MIGA1: variants seen among roughly 807,000 people sequenced by gnomAD.
The protein encoded by MIGA1 is mitoguardin 1.
Under a neutral mutation model 82.0 loss-of-function variants are expected in MIGA1, and 58 were observed. The ratio of observed to expected loss-of-function variants is 0.71; its 90% CI spans 0.57 to 0.88. MIGA1 has a LOEUF of 0.88. Ranked by LOEUF, MIGA1 falls within the 40% of genes least tolerant of loss-of-function variation. The pLI is 0.00. For synonymous variants in MIGA1, 249 were observed against 253.6 expected, an observed-to-expected ratio of 0.98 and a Z score of 0.17; for missense variants, 751 against 749.1, an observed-to-expected ratio of 1.00 and a Z score of -0.03.
chr1:77,871,247 A>G (rs1685990189), intron 14 of MIGA1, among the ~76,000 whole-genome samples: 1 of 152,052 alleles, frequency 6.6e-6, no homozygotes, highest in East Asian at 1.9e-4. Flanking sequence ...CTTGCATGTA[A>G]TCCTAGCACT....
intron 2 of MIGA1, among the ~76,000 whole-genome samples, chr1:77,786,392 A>G (rs1242128510): frequency 6.6e-6 from 1 of 152,182 alleles, no homozygotes; most frequent in African/African-American, 2.4e-5. Flanking sequence ...TACTTATGCA[A>G]ATTTCTGCAG....
intron 15 of MIGA1, among the ~76,000 whole-genome samples, chr1:77,873,611 C>A (rs1428062424): frequency 6.6e-6 from 1 of 152,138 alleles, no homozygotes; most frequent in Non-Finnish European, 1.5e-5. Context: ...CCAATGTCAG[C>A]AGTTTTAGTT....
At chr1:77,862,363 C>G (rs1030721657) in intron 12 of MIGA1, 2 of 151,616 alleles carry the variant, frequency 1.3e-5, no homozygotes, top group Non-Finnish European at 2.9e-5. Context: ...ATGAGAATTG[C>G]TTGAACCTGG....
rs539264239 is a variant in MIGA1, at chr1:77,861,459, A to G, written c.1374+137A>G. The G allele has an allele frequency of 4.8e-4, 295 of 620,334 alleles. 2 individuals carry two copies. The highest frequency in any genetic ancestry group is 4.5e-3 in the South Asian group (211 of 47,306). 38.4% of individuals were successfully genotyped at this position (620,334 alleles called of 1,614,324 possible). On this transcript the variant is annotated intron_variant, in intron 12 of 15. Transcript: ENST00000370791. Reference sequence around the variant, plus strand: ...TGTGGGACATCTTTTTTTCTGACGAAGTCATAAACCACACTCCTTGTACGT... The same window carrying G: ...TGTGGGACATCTTTTTTTCTGACGAGGTCATAAACCACACTCCTTGTACGT...
intron 2 of MIGA1, among the ~76,000 whole-genome samples, chr1:77,784,843 G>A (rs116635077): frequency 0.021 from 3,215 of 152,218 alleles, 122 homozygotes; most frequent in African/African-American, 0.073. Flanking sequence ...CATCTCATAT[G>A]GCGGCAGACA....
At chr1:77,819,721 CT>C (rs1683727331) in intron 7 of MIGA1, among the ~76,000 whole-genome samples, 1 of 151,812 alleles carries the variant, frequency 6.6e-6, no homozygotes, top group African/African-American at 2.4e-5. Flanking sequence ...GTAGCTGGGA[CT>C]ACAGGCACTT....
chr1:77,850,034 CAAA>C (rs377438344), intron 8 of MIGA1, among the ~76,000 whole-genome samples: 7 of 97,362 alleles, frequency 7.2e-5, no homozygotes, highest in Admixed American at 2.3e-4. Context: ...GACTCTCTCT[CAAA>C]AAAAAAAAAA....
At chr1:77,833,899 C>T (rs1684332763) in intron 7 of MIGA1, among the ~76,000 whole-genome samples, 1 of 152,152 alleles carries the variant, frequency 6.6e-6, no homozygotes, top group South Asian at 2.1e-4. Context: ...GTTCCCATTC[C>T]CTTTCCTTGT....
intron 12 of MIGA1, 188 bp downstream of exon 12, chr1:77,861,510 C>T: frequency 4.0e-6 from 2 of 503,098 alleles, no homozygotes; most frequent in Non-Finnish European, 7.0e-6. Context: ...AAATTGTTTT[C>T]TAAGAAGCCT....
Position 77,801,424 on chromosome 1 carries a change from C to A in MIGA1, c.289C>A (p.Arg97Ser). The change falls in exon 3 of 16, where the codon CGT (arginine) becomes AGT (serine). Residue 97 changes from arginine to serine, a missense_variant. Arg to Ser is a moderately radical substitution (Grantham distance 110, BLOSUM62 -1). Around this residue, in one of 3 missense-constraint regions of MIGA1, gnomAD observed 482 missense variants for 439.4 expected, o/e 1.10. Coordinates refer to ENST00000370791, the MANE Select transcript of MIGA1 (RefSeq NM_198549.4). ...TCTGGCTCATCACTTTAAAAGAAAA[C>A]GTGGAAAGAAGAAAGGAAAAATATT... 2 of 1,605,404 alleles carry A rather than the reference C, an allele frequency of 1.2e-6. No individual in the cohort carries two copies. Among genetic ancestry groups the A allele is most frequent in the Non-Finnish European group, 1.7e-6 (2 of 1,177,648 alleles).
intron 7 of MIGA1, among the ~76,000 whole-genome samples, chr1:77,836,684 T>C (rs1684435721): frequency 6.6e-6 from 1 of 152,206 alleles, no homozygotes; most frequent in Non-Finnish European, 1.5e-5. Context: ...TAGCAAATCT[T>C]AGGATCAGGA....
intron 9 of MIGA1, 108 bp downstream of exon 9, chr1:77,859,164 A>G (rs959918785): frequency 5.0e-6 from 5 of 1,003,320 alleles, no homozygotes; most frequent in African/African-American, 3.2e-5. Context: ...AGGTCCAAGT[A>G]AAGAAAAAAT....
At chr1:77,810,921 C>T (rs1683301603) in intron 5 of MIGA1, 3 of 1,611,918 alleles carry the variant, frequency 1.9e-6, no homozygotes, top group East Asian at 2.2e-5. Flanking sequence ...TCAATAATTG[C>T]AATTTCTTTC....
At chr1:77,869,582 C>A (rs1312325011) in intron 14 of MIGA1, among the ~76,000 whole-genome samples, 1 of 141,952 alleles carries the variant, frequency 7.0e-6, no homozygotes. Flanking sequence ...CTGACCCCCC[C>A]ACCACCCTCC....
intron 7 of MIGA1, among the ~76,000 whole-genome samples, chr1:77,841,481 G>A (rs909181280): frequency 1.3e-4 from 19 of 149,892 alleles, no homozygotes; most frequent in African/African-American, 4.2e-4. Flanking sequence ...TCTATACTAG[G>A]AATTATATTC....
chr1:77,872,874 C>G, intron 14 of MIGA1, 130 bp from the exon 15 acceptor site: 1 of 1,124,434 alleles, frequency 8.9e-7, no homozygotes, highest in Non-Finnish European at 1.3e-6. Flanking sequence ...TTGCTAGACT[C>G]TGGTTCTAAA....
At chr1:77,813,922 T>C (rs1683472526) in intron 6 of MIGA1, 55 bp downstream of exon 6, 2 of 1,592,200 alleles carry the variant, frequency 1.3e-6, no homozygotes, top group Non-Finnish European at 1.7e-6. Context: ...CAAACTTTTT[T>C]TTTGTTTTTT....
At chr1:77,872,971 G>A in intron 14 of MIGA1, 33 bp from the exon 15 acceptor site, 1 of 1,612,244 alleles carries the variant, frequency 6.2e-7, no homozygotes, top group South Asian at 1.1e-5. Context: ...CAAGAAGGTA[G>A]AAGTAACTTG....
intron 8 of MIGA1, among the ~76,000 whole-genome samples, chr1:77,846,234 G>A (rs78540751): frequency 0.027 from 4,126 of 152,070 alleles, 149 homozygotes; most frequent in African/African-American, 0.095. Context: ...CATACCATGC[G>A]ATATGTTGTA....
Sources: gnomAD v4.1 joint callset for allele counts (sites outside exome capture counted in the v4.1 genomes callset) on GRCh38, gnomAD v4.1.1 for gene constraint, gnomAD v4.1.1 regional missense constraint, MANE v1.5 for transcripts, NCBI Gene and HGNC (gene_info 2026-07-23, HGNC 2026-07-21) for gene names.